RASEF: variants seen among roughly 807,000 people sequenced by gnomAD.
RASEF encodes the protein ras and EF-hand domain-containing protein.
A neutral mutation model predicts 90.1 loss-of-function variants in RASEF; 68 were observed. The observed-to-expected ratio is 0.75, with a 90% CI of 0.62 to 0.92. The LOEUF (loss-of-function observed/expected upper bound fraction) is 0.92, where lower values mean the gene tolerates loss of function less well. Among genes scored for constraint, RASEF ranks in the 40% least tolerant of loss-of-function variants. The pLI is 0.00. For missense variants in RASEF, 949 were observed against 937.2 expected, an observed-to-expected ratio of 1.01 and a Z score of -0.16; for synonymous variants, 331 against 345.2, an observed-to-expected ratio of 0.96 and a Z score of 0.46.
At chr9:83,001,177 C>A in intron 9 of RASEF, 47 bp from the exon 10 acceptor site, 1 of 1,377,236 alleles carries the variant, frequency 7.3e-7, no homozygotes, top group South Asian at 1.2e-5. Context: ...TGGAAATGCT[C>A]AAGAACATAC....
chr9:83,137,717 T>C, the RASEF span, among the ~76,000 whole-genome samples: 1 of 151,722 alleles, frequency 6.6e-6, no homozygotes, highest in African/African-American at 2.4e-5. Flanking sequence ...GAGTCTGGGA[T>C]TAGGCAGAGA....
At chr9:83,204,710 G>C in the RASEF span, among the ~76,000 whole-genome samples, 2 of 152,106 alleles carry the variant, frequency 1.3e-5, no homozygotes, top group Admixed American at 1.3e-4. Context: ...TGGCACACAT[G>C]GACTAAGTAC....
the RASEF span, among the ~76,000 whole-genome samples, chr9:83,140,038 G>A: frequency 1.8e-4 from 27 of 152,140 alleles, no homozygotes; most frequent in Admixed American, 1.2e-3. Flanking sequence ...ACTATACTAA[G>A]TAATGTCTTC....
chr9:83,096,069 T>A, the RASEF span, among the ~76,000 whole-genome samples: 4 of 152,142 alleles, frequency 2.6e-5, no homozygotes, highest in Non-Finnish European at 5.9e-5. Context: ...TGGTCACACT[T>A]AGCTTCCCTT....
upstream of RASEF, among the ~76,000 whole-genome samples, chr9:83,067,139 C>T (rs1830287797): frequency 6.6e-6 from 1 of 152,164 alleles, no homozygotes; most frequent in Admixed American, 6.5e-5. Flanking sequence ...GAGTGCTTCT[C>T]AGAGCATGAC....
the RASEF span, among the ~76,000 whole-genome samples, chr9:83,201,569 G>A: frequency 6.6e-6 from 1 of 152,076 alleles, no homozygotes; most frequent in Non-Finnish European, 1.5e-5. Flanking sequence ...GTATTATCAC[G>A]TGGACCAATA....
the RASEF span, among the ~76,000 whole-genome samples, chr9:83,206,529 G>A: frequency 2.0e-5 from 3 of 152,154 alleles, no homozygotes; most frequent in African/African-American, 4.8e-5. Flanking sequence ...TCAGAATAAC[G>A]ATTTACTAAG....
At chr9:83,124,239 A>C in the RASEF span, among the ~76,000 whole-genome samples, 2 of 152,190 alleles carry the variant, frequency 1.3e-5, no homozygotes, top group Admixed American at 6.5e-5. Flanking sequence ...GCTATTGTGA[A>C]TAATGCTGCT....
At chr9:82,986,448 C>T (rs1226885193) in intron 16 of RASEF, among the ~76,000 whole-genome samples, 9 of 152,186 alleles carry the variant, frequency 5.9e-5, no homozygotes, top group Admixed American at 5.9e-4. Flanking sequence ...TAGCATGGGG[C>T]TATGCACGTG....
chr9:83,024,266 T>C (rs1414640438), intron 2 of RASEF, among the ~76,000 whole-genome samples: 1 of 152,154 alleles, frequency 6.6e-6, no homozygotes, highest in Non-Finnish European at 1.5e-5. Context: ...CAAATTAATA[T>C]GATGTACTCA....
chr9:83,180,939 G>T, the RASEF span, among the ~76,000 whole-genome samples: 1 of 151,726 alleles, frequency 6.6e-6, no homozygotes, highest in Non-Finnish European at 1.5e-5. Context: ...GTGCAGTTCT[G>T]CTGGTCAGAA....
chr9:83,093,588 C>T, the RASEF span, among the ~76,000 whole-genome samples: 2 of 152,234 alleles, frequency 1.3e-5, no homozygotes, highest in South Asian at 2.1e-4. Context: ...CCGAGCCGGT[C>T]GGCTGCTCCG....
At chr9:83,094,150 A>AAAATAAAAAAT in the RASEF span, among the ~76,000 whole-genome samples, 1 of 151,830 alleles carries the variant, frequency 6.6e-6, no homozygotes, top group African/African-American at 2.4e-5. Context: ...TACTATCATG[A>AAAATAAAAAAT]GATGCCATTC....
At chr9:83,125,287 G>A in the RASEF span, among the ~76,000 whole-genome samples, 2 of 152,164 alleles carry the variant, frequency 1.3e-5, no homozygotes, top group Non-Finnish European at 2.9e-5. Flanking sequence ...CTGTCTAGAA[G>A]CTGGACAAGG....
the RASEF span, among the ~76,000 whole-genome samples, chr9:83,202,516 C>A: frequency 4.6e-5 from 7 of 152,092 alleles, no homozygotes; most frequent in Non-Finnish European, 8.8e-5. Context: ...CACTCCGTTG[C>A]CCAGGCTGGA....
chr9:83,178,836 C>T, the RASEF span, among the ~76,000 whole-genome samples: 1 of 152,112 alleles, frequency 6.6e-6, no homozygotes, highest in African/African-American at 2.4e-5. Context: ...GGTTTCCTTC[C>T]ACAATGCCCC....
chr9:83,065,309 G>C (rs923269899), upstream of RASEF, among the ~76,000 whole-genome samples: 1 of 152,128 alleles, frequency 6.6e-6, no homozygotes, highest in African/African-American at 2.4e-5. Flanking sequence ...GCTTGCCTGG[G>C]ATCTCTCAGG....
chr9:83,168,362 T>TA, the RASEF span, among the ~76,000 whole-genome samples: 3 of 152,146 alleles, frequency 2.0e-5, no homozygotes, highest in Non-Finnish European at 2.9e-5. Flanking sequence ...TTGTGGTTTT[T>TA]TTATTTTTAT....
the RASEF span, among the ~76,000 whole-genome samples, chr9:83,169,538 G>C: frequency 3.2e-4 from 48 of 151,742 alleles, no homozygotes; most frequent in Non-Finnish European, 5.3e-4. Flanking sequence ...CCATATCCTC[G>C]ACAGCATTTG....
Sources: gnomAD v4.1 joint callset for allele counts (sites outside exome capture counted in the v4.1 genomes callset) on GRCh38, gnomAD v4.1.1 for gene constraint, MANE v1.5 for transcripts, NCBI Gene and HGNC (gene_info 2026-07-23, HGNC 2026-07-21) for gene names.